The following PCDHA8 variants were observed in gnomAD, a reference collection of about 807,000 sequenced individuals.
The protein encoded by PCDHA8 is protocadherin alpha 8.
PCDHA8 carries 53 observed loss-of-function variants against 61.8 expected under a neutral mutation model. That is an observed-to-expected ratio of 0.86 (90% CI 0.69 to 1.08). PCDHA8 has a LOEUF of 1.08. Among genes scored for constraint, PCDHA8 ranks in the 50% least tolerant of loss-of-function variants. The pLI, the probability that PCDHA8 is intolerant of heterozygous loss-of-function variation, is 0.00. For synonymous variants in PCDHA8, 618 were observed against 556.6 expected (o/e 1.11, Z -1.55); for missense variants, 1,293 against 1,245.0 (o/e 1.04, Z -0.58).
At chr5:140,854,296 G>T in intron 1 of PCDHA8, 4 of 437,926 alleles carry the variant, frequency 9.1e-6, no homozygotes, top group Non-Finnish European at 1.2e-5. Context: ...TTATTATTTT[G>T]TGCGTGGAGA....
At chr5:140,910,911 T>G (rs1326687303) in intron 1 of PCDHA8, among the ~76,000 whole-genome samples, 1 of 152,170 alleles carries the variant, frequency 6.6e-6, no homozygotes, top group African/African-American at 2.4e-5. Context: ...CCTCCAGATT[T>G]TTGCTTATAT....
chr5:140,854,474 G>A (rs2043136313), intron 1 of PCDHA8: 1 of 149,900 alleles, frequency 6.7e-6, no homozygotes, highest in Non-Finnish European at 1.5e-5. Context: ...GAGTAGAGAA[G>A]TATAGAAACA....
chr5:141,002,673 C>T (rs2098090242), intron 3 of PCDHA8, among the ~76,000 whole-genome samples: 3 of 152,180 alleles, frequency 2.0e-5, no homozygotes, highest in Admixed American at 2.0e-4. Context: ...GGACCAAAAC[C>T]TATACGACGT....
intron 1 of PCDHA8, chr5:140,863,349 G>T: frequency 7.7e-7 from 1 of 1,302,266 alleles, no homozygotes. Flanking sequence ...TGCTGTACAC[G>T]ACGCTGCGGT....
intron 1 of PCDHA8, chr5:140,876,290 T>C: frequency 6.2e-7 from 1 of 1,614,074 alleles, no homozygotes; most frequent in Non-Finnish European, 8.5e-7. Flanking sequence ...GACGAAGGAC[T>C]TAATGGAGAA....
At chr5:140,872,544 C>T (rs912822292) in intron 1 of PCDHA8, among the ~76,000 whole-genome samples, 1 of 152,126 alleles carries the variant, frequency 6.6e-6, no homozygotes, top group Admixed American at 6.5e-5. Context: ...AGAGGATCCC[C>T]TGAACCCAGG....
chr5:140,878,622 T>A (rs1163171601), intron 1 of PCDHA8, among the ~76,000 whole-genome samples: 1 of 152,244 alleles, frequency 6.6e-6, no homozygotes, highest in African/African-American at 2.4e-5. Flanking sequence ...GCATTTTACA[T>A]ATTTTAACTT....
At chr5:140,992,897 T>G (rs2097532683) in intron 3 of PCDHA8, among the ~76,000 whole-genome samples, 2 of 152,156 alleles carry the variant, frequency 1.3e-5, no homozygotes, top group Admixed American at 1.3e-4. Flanking sequence ...GCTGGATATC[T>G]CCAAAGCTTA....
chr5:140,981,861 A>G (rs1554243465), intron 2 of PCDHA8, among the ~76,000 whole-genome samples: 1 of 152,126 alleles, frequency 6.6e-6, no homozygotes, highest in Non-Finnish European at 1.5e-5. Context: ...ACTCCCAGCA[A>G]TGTTTTATGC....
chr5:140,998,495 C>T (rs782386986), intron 3 of PCDHA8, among the ~76,000 whole-genome samples: 17 of 152,170 alleles, frequency 1.1e-4, no homozygotes, highest in Non-Finnish European at 1.9e-4. Context: ...TCTTTGAGAA[C>T]AGGGTACTTG....
chr5:140,897,999 G>A (rs1411789620), intron 1 of PCDHA8, among the ~76,000 whole-genome samples: 3 of 152,142 alleles, frequency 2.0e-5, no homozygotes, highest in East Asian at 1.9e-4. Context: ...TTTGAGAAGT[G>A]TCTGTTCATA....
chr5:140,911,502 G>A (rs911736161), intron 1 of PCDHA8, among the ~76,000 whole-genome samples: 4 of 152,104 alleles, frequency 2.6e-5, no homozygotes, highest in Admixed American at 1.3e-4. Flanking sequence ...CAGGTTTGAG[G>A]TTCAGTATCT....
At position 140,905,827 on chromosome 5, in the gene PCDHA8, A is replaced by T. The variant is rs140988076; in HGVS notation, c.2394+62112A>T. 2.2e-3 allele frequency among the ~76,000 whole-genome samples: 329 copies of T among 152,298 alleles called. 1 individual carries two copies. The highest frequency in any genetic ancestry group is 7.5e-3 in the African/African-American group (311 of 41,554). The stretch of plus-strand genomic sequence containing the variant: ...CAGAATTAATAGGCTAGATGTGTAT[A>T]TAAAGGGGAGTTTATTAAGGAGTAT... On this transcript the variant is annotated intron_variant, in intron 1 of 3. Coordinates refer to ENST00000531613, the MANE Select transcript of PCDHA8 (RefSeq NM_018911.3).
At chr5:140,874,680 T>C (rs1018074001) in intron 1 of PCDHA8, among the ~76,000 whole-genome samples, 1 of 152,258 alleles carries the variant, frequency 6.6e-6, no homozygotes, top group Non-Finnish European at 1.5e-5. Flanking sequence ...TCCTGAGATT[T>C]GTTTTAACAT....
intron 1 of PCDHA8, chr5:140,883,657 C>T: frequency 1.2e-6 from 2 of 1,613,594 alleles, no homozygotes; most frequent in Non-Finnish European, 1.7e-6. Context: ...ACACGGTGTT[C>T]GTGAAGGAAA....
Position 141,010,957 on chromosome 5 carries a change from C to CT in PCDHA8, c.*1021dup, listed in dbSNP as rs1342734442. The CT allele has an allele frequency of 6.5e-5, 10 of 153,858 alleles. No homozygotes were observed. Among genetic ancestry groups the CT allele is most frequent in the African/African-American group, 2.4e-4 (10 of 41,554 alleles). The allele number at this position is 153,858 out of a possible 1,614,324, so 9.5% of individuals were successfully genotyped here. A position where few individuals can be genotyped will look rare whatever the true frequency, so the allele number is the denominator to read the frequency against. On this transcript the variant is annotated 3_prime_UTR_variant, in exon 4 of 4. Coordinates refer to ENST00000531613, the MANE Select transcript of PCDHA8 (RefSeq NM_018911.3). ...ACAGCCATTTAAATGATCATTGCTG[C>CT]TACAGAAGTGCTTTAAGAGAATTGC...
At chr5:140,862,749 G>A (rs993473584) in intron 1 of PCDHA8, 2 of 579,518 alleles carry the variant, frequency 3.5e-6, no homozygotes, top group Non-Finnish European at 6.7e-6. Context: ...GGGTGCACGC[G>A]GAGAGCGGCA....
At chr5:140,883,844 G>T (rs1404353270) in intron 1 of PCDHA8, 10 of 1,612,718 alleles carry the variant, frequency 6.2e-6, no homozygotes, top group South Asian at 1.1e-5. Flanking sequence ...GTTGGACCAC[G>T]AGGAGCTGGA....
At chr5:140,883,758 G>T in intron 1 of PCDHA8, 1 of 1,612,920 alleles carries the variant, frequency 6.2e-7, no homozygotes, top group Non-Finnish European at 8.5e-7. Flanking sequence ...CTGGTGGAGC[G>T]GCGGGTGGGC....
Sources: gnomAD v4.1 joint callset for allele counts (sites outside exome capture counted in the v4.1 genomes callset) on GRCh38, gnomAD v4.1.1 for gene constraint, MANE v1.5 for transcripts, NCBI Gene and HGNC (gene_info 2026-07-23, HGNC 2026-07-21) for gene names.